SNX18: variants seen among roughly 807,000 people sequenced by gnomAD.
SNX18 encodes sorting nexin 18.
SNX18 carries 35 observed loss-of-function variants against 48.7 expected under a neutral mutation model. The ratio of observed to expected loss-of-function variants is 0.72; its 90% CI spans 0.55 to 0.95. SNX18 has a LOEUF of 0.95. Ranked by LOEUF, SNX18 falls within the 40% of genes least tolerant of loss-of-function variation. The pLI is 0.00. For missense variants in SNX18, 824 were observed against 871.0 expected (o/e 0.95, Z 0.68); for synonymous variants, 492 against 384.7 (o/e 1.28, Z -3.26).
the SNX18 span, among the ~76,000 whole-genome samples, chr5:54,569,466 C>T: frequency 3.3e-5 from 5 of 152,126 alleles, no homozygotes; most frequent in African/African-American, 9.7e-5. Flanking sequence ...TTGAGAAGTT[C>T]GACAGGGCAC....
At chr5:54,634,833 C>A in the SNX18 span, among the ~76,000 whole-genome samples, 2,026 of 152,030 alleles carry the variant, frequency 0.013, 51 homozygotes, top group African/African-American at 0.047. Context: ...AAAAATTGAG[C>A]GTCTTATTCA....
chr5:54,626,329 C>CT, the SNX18 span, among the ~76,000 whole-genome samples: 102 of 151,370 alleles, frequency 6.7e-4, 1 homozygote, highest in East Asian at 3.7e-3. Flanking sequence ...TTTTCTTCTT[C>CT]TTTTTTTTTG....
At position 54,518,339 on chromosome 5, in the gene SNX18, C is replaced by CG. The variant is rs1249029542; in HGVS notation, c.392dup (p.Ala132ArgfsTer21). ...CGCCCGGCGCGGGCTTCCCGTACGG[C>CG]GGGGGCGCCCTGCAGCCGTCGCCTC... On this transcript the variant is annotated frameshift_variant, in exon 1 of 2. Coordinates refer to ENST00000381410, the MANE Select transcript of SNX18 (RefSeq NM_001102575.2). LOFTEE classifies it high-confidence loss of function. 1.3e-6 allele frequency: 2 copies of CG among 1,514,792 alleles called. No homozygotes were observed. The highest frequency in any genetic ancestry group is 8.8e-7 in the Non-Finnish European group (1 of 1,133,982). 93.8% of individuals were successfully genotyped at this position (1,514,792 alleles called of 1,614,324 possible).
At chr5:54,646,056 T>G in the SNX18 span, 1 of 152,258 alleles carries the variant, frequency 6.6e-6, no homozygotes. Flanking sequence ...TGCTTTTTTC[T>G]TTCCATTTAA....
At chr5:54,641,374 C>T in the SNX18 span, among the ~76,000 whole-genome samples, 1 of 152,102 alleles carries the variant, frequency 6.6e-6, no homozygotes, top group Non-Finnish European at 1.5e-5. Context: ...TTCAAAAATG[C>T]ATTTAAAAGA....
the SNX18 span, among the ~76,000 whole-genome samples, chr5:54,595,630 G>A: frequency 6.6e-6 from 1 of 152,144 alleles, no homozygotes; most frequent in African/African-American, 2.4e-5. Flanking sequence ...CCTTCTCTCT[G>A]CAGCCTCACC....
the SNX18 span, among the ~76,000 whole-genome samples, chr5:54,607,899 A>G: frequency 5.9e-5 from 9 of 152,124 alleles, no homozygotes; most frequent in Non-Finnish European, 1.2e-4. Context: ...ATGCCACTGC[A>G]CTCCAGCCTG....
the SNX18 span, among the ~76,000 whole-genome samples, chr5:54,561,679 C>G: frequency 6.6e-6 from 1 of 152,056 alleles, no homozygotes; most frequent in African/African-American, 2.4e-5. Flanking sequence ...CTTCATCTCC[C>G]AAAACATTTG....
the SNX18 span, among the ~76,000 whole-genome samples, chr5:54,581,079 G>A: frequency 6.6e-6 from 1 of 152,140 alleles, no homozygotes; most frequent in Non-Finnish European, 1.5e-5. Flanking sequence ...TCGCAAGGAA[G>A]CAGAGGGCCA....
the SNX18 span, among the ~76,000 whole-genome samples, chr5:54,621,150 C>A: frequency 6.6e-6 from 1 of 152,140 alleles, no homozygotes. Flanking sequence ...CCTCCTTTTT[C>A]TGGTATTGGA....
the SNX18 span, among the ~76,000 whole-genome samples, chr5:54,613,099 C>A: frequency 1.3e-5 from 2 of 152,220 alleles, no homozygotes; most frequent in Non-Finnish European, 2.9e-5. Context: ...GAGCGGTGCT[C>A]ATGCCTTCAA....
chr5:54,553,681 G>A, the SNX18 span, among the ~76,000 whole-genome samples: 32 of 152,238 alleles, frequency 2.1e-4, no homozygotes, highest in South Asian at 1.2e-3. Flanking sequence ...GAGGTCAGAC[G>A]CAGAAAACTG....
At chr5:54,525,598 A>G (rs140073753) in intron 1 of SNX18, among the ~76,000 whole-genome samples, 8 of 152,240 alleles carry the variant, frequency 5.3e-5, no homozygotes, top group African/African-American at 1.4e-4. Context: ...TTTGGAGTCA[A>G]TCGTTTGTTG....
At chr5:54,522,937 G>A (rs577996177) in intron 1 of SNX18, among the ~76,000 whole-genome samples, 76 of 152,220 alleles carry the variant, frequency 5.0e-4, no homozygotes, top group African/African-American at 1.6e-3. Flanking sequence ...TTTCATCAAC[G>A]GATGGAGTCT....
the SNX18 span, among the ~76,000 whole-genome samples, chr5:54,641,207 C>A: frequency 2.6e-4 from 40 of 152,270 alleles, 1 homozygote; most frequent in East Asian, 6.2e-3. Context: ...CAATGCAAGA[C>A]AATCCTTTCA....
the SNX18 span, among the ~76,000 whole-genome samples, chr5:54,597,562 A>T: frequency 2.0e-5 from 3 of 152,192 alleles, no homozygotes; most frequent in Non-Finnish European, 4.4e-5. Flanking sequence ...AGCACAATCA[A>T]ATTAGAACTC....
the SNX18 span, among the ~76,000 whole-genome samples, chr5:54,602,757 T>C: frequency 1.3e-5 from 2 of 152,326 alleles, no homozygotes; most frequent in South Asian, 2.1e-4. Flanking sequence ...GTTTTATACA[T>C]TGGCCTCCTT....
chr5:54,613,116 G>A, the SNX18 span, among the ~76,000 whole-genome samples: 1 of 152,228 alleles, frequency 6.6e-6, no homozygotes, highest in African/African-American at 2.4e-5. Flanking sequence ...TCAAGGGCAG[G>A]TGGGTACCAA....
the SNX18 span, among the ~76,000 whole-genome samples, chr5:54,618,169 T>A: frequency 6.6e-6 from 1 of 152,114 alleles, no homozygotes; most frequent in Non-Finnish European, 1.5e-5. Context: ...GCAAGGCTTT[T>A]CCCCCTTTGC....
Sources: gnomAD v4.1 joint callset for allele counts (sites outside exome capture counted in the v4.1 genomes callset) on GRCh38, gnomAD v4.1.1 for gene constraint, MANE v1.5 for transcripts, NCBI Gene and HGNC (gene_info 2026-07-23, HGNC 2026-07-21) for gene names.